Variants in PPP2R5C observed in about 807,000 individuals in gnomAD.
The protein encoded by PPP2R5C is serine/threonine-protein phosphatase 2A 56 kDa regulatory subunit gamma isoform.
In PPP2R5C, 7 loss-of-function variants were observed where a neutral mutation model predicts 68.9. The observed-to-expected ratio is 0.10, with a 90% CI of 0.06 to 0.19. The LOEUF is 0.19. PPP2R5C is among the 10% of genes least tolerant of loss of function. The pLI is 1.00. For synonymous variants in PPP2R5C, 210 were observed against 222.2 expected (o/e 0.95, Z 0.49); for missense variants, 348 against 641.3 (o/e 0.54, Z 4.94).
upstream of PPP2R5C, among the ~76,000 whole-genome samples, chr14:101,761,358 C>A (rs1253289083): frequency 6.6e-6 from 1 of 152,080 alleles, no homozygotes; most frequent in African/African-American, 2.4e-5. Context: ...ACCGCAGTCG[C>A]AGCCACATGC....
chr14:101,890,188 T>C, intron 5 of PPP2R5C, 49 bp from the exon 8 acceptor site: 4 of 1,508,432 alleles, frequency 2.7e-6, no homozygotes, highest in South Asian at 1.1e-5. Context: ...TGTTTTCTTA[T>C]TCAGGTTAGT....
chr14:101,909,563 G>C (rs765573933), intron 10 of PPP2R5C, 26 bp from the exon 13 acceptor site: 3 of 1,520,722 alleles, frequency 2.0e-6, no homozygotes, highest in Non-Finnish European at 2.7e-6. Flanking sequence ...CGTGCTCCCA[G>C]GCTCACCGTG....
At chr14:101,794,246 T>TTAAG (rs2038506101) in intron 3 of PPP2R5C, among the ~76,000 whole-genome samples, 1 of 152,348 alleles carries the variant, frequency 6.6e-6, no homozygotes, top group East Asian at 1.9e-4. Context: ...GTTTTATCTC[T>TTAAG]GTCTTACACT....
At chr14:101,896,552 G>A (rs947833942) in intron 8 of PPP2R5C, among the ~76,000 whole-genome samples, 2 of 149,978 alleles carry the variant, frequency 1.3e-5, no homozygotes, top group African/African-American at 2.5e-5. Flanking sequence ...TGGGCAATAT[G>A]GCAAAATCCC....
Position 101,839,358 on chromosome 14 carries a change from A to G in PPP2R5C, c.95-17328A>G, listed in dbSNP as rs537436319. 3 of 152,336 alleles carry G rather than the reference A, an allele frequency of 2.0e-5. No homozygotes were observed. The East Asian group carries it at 5.8e-4, about 29-fold the overall frequency. 9.4% of individuals were successfully genotyped at this position (152,336 alleles called of 1,614,324 possible). A position where few individuals can be genotyped will look rare whatever the true frequency, so the allele number is the denominator to read the frequency against. On this transcript the variant is annotated intron_variant, in intron 1 of 13. Transcript: ENST00000334743. ...GAGCAAGACTCTGTCTCCAAAAAAA[A>G]AAAAGAACACTCATTTCCAGAGTCA...
At position 101,908,084 on chromosome 14, in the gene PPP2R5C, T is replaced by C. The variant is rs144979128; in HGVS notation, c.1152-1505T>C. ...GGGAAGTTAGCTCTCACCAGGTCTT[T>C]CTTAGCCACAGTTTCTCTTTGGAAA... is the stretch of plus-strand genomic sequence containing the variant. On this transcript the variant is annotated intron_variant, in intron 10 of 13. Transcript: ENST00000334743. Among the ~76,000 whole-genome samples the C allele has an allele frequency of 7.1e-3, 1,081 of 152,364 alleles. 7 individuals are homozygous for C. The highest frequency in any genetic ancestry group is 0.017 in the Middle Eastern group (5 of 294).
At chr14:101,775,690 G>A (rs1488520519) in intron 2 of PPP2R5C, among the ~76,000 whole-genome samples, 1 of 152,222 alleles carries the variant, frequency 6.6e-6, no homozygotes, top group Non-Finnish European at 1.5e-5. Flanking sequence ...CTGTGGGCCT[G>A]GCAGTGGGGC....
At chr14:101,876,934 T>C (rs2043819216) in intron 2 of PPP2R5C, among the ~76,000 whole-genome samples, 1 of 150,952 alleles carries the variant, frequency 6.6e-6, no homozygotes, top group African/African-American at 2.4e-5. Context: ...AAAAAAAGGA[T>C]TTACGCTTTT....
At position 101,906,444 on chromosome 14, in the gene PPP2R5C, A is replaced by G; in HGVS notation, c.1066A>G (p.Met356Val). 1 of 1,612,774 alleles carries G rather than the reference A, an allele frequency of 6.2e-7. No individual in the cohort carries two copies. Among genetic ancestry groups the G allele is most frequent in the Admixed American group, 1.7e-5 (1 of 59,744 alleles). The change falls in exon 10 of 14, where the codon ATG (methionine) becomes GTG (valine). Residue 356 changes from methionine to valine, a missense_variant. Met to Val is a conservative substitution (Grantham distance 21). Coordinates refer to ENST00000334743, the Ensembl canonical transcript of PPP2R5C. This position sits in a 1 kb window ranked among gnomAD's most constrained non-coding sequence, Gnocchi z 4.0. The stretch of plus-strand genomic sequence containing the variant: ...CTATTACTGGAATAATGAATACATC[A>G]TGAGTTTAATCAGTGACAACGCAGC...
intron 3 of PPP2R5C, chr14:101,789,698 C>G (rs1261820487): frequency 6.6e-6 from 1 of 152,234 alleles, no homozygotes; most frequent in African/African-American, 2.4e-5. Context: ...GTCACCAGCA[C>G]TTTGTGAAGG....
At chr14:101,779,718 C>CACTGG (rs1335480148) in intron 2 of PPP2R5C, among the ~76,000 whole-genome samples, 1 of 152,062 alleles carries the variant, frequency 6.6e-6, no homozygotes, top group Non-Finnish European at 1.5e-5. Context: ...AGTGGGGAGC[C>CACTGG]ACTGGCATCT....
intron 3 of PPP2R5C, among the ~76,000 whole-genome samples, chr14:101,791,865 A>G (rs2038378843): frequency 6.6e-6 from 1 of 152,260 alleles, no homozygotes; most frequent in South Asian, 2.1e-4. Flanking sequence ...CATTTTGTTC[A>G]TGATGTCTTA....
At chr14:101,867,088 A>G (rs2043117711) in intron 2 of PPP2R5C, among the ~76,000 whole-genome samples, 2 of 151,958 alleles carry the variant, frequency 1.3e-5, no homozygotes, top group Admixed American at 6.5e-5. Flanking sequence ...GTGGTGGCGC[A>G]TGCCTGTAAT....
At chr14:101,772,565 C>T (rs541618485) in intron 2 of PPP2R5C, among the ~76,000 whole-genome samples, 71 of 152,184 alleles carry the variant, frequency 4.7e-4, no homozygotes, top group Middle Eastern at 3.4e-3. Flanking sequence ...GAGGCCGAGT[C>T]GGGTGGATCA....
In PPP2R5C at chr14:101,828,763, C is replaced by T. The variant is rs559012591; in HGVS notation, c.94+18727C>T. Among the ~76,000 whole-genome samples, 15 of 151,470 alleles carry T rather than the reference C, an allele frequency of 9.9e-5. No homozygotes were observed. In the South Asian group the frequency reaches 2.5e-3, roughly 25 times the overall value. On this transcript the variant is annotated intron_variant, in intron 1 of 13. Coordinates refer to ENST00000334743, the Ensembl canonical transcript of PPP2R5C. Reference sequence around the variant, plus strand: ...CACGATCTCGGCTCACTGCAACCTCCGCCTCCTGGGTTCAAGCAATTCTCT... The same window carrying T: ...CACGATCTCGGCTCACTGCAACCTCTGCCTCCTGGGTTCAAGCAATTCTCT...
chr14:101,796,346 C>T (rs1247921564), intron 3 of PPP2R5C, among the ~76,000 whole-genome samples: 1 of 152,200 alleles, frequency 6.6e-6, no homozygotes, highest in Non-Finnish European at 1.5e-5. Context: ...TCTTCTCTTG[C>T]ATGTTTTGAT....
chr14:101,782,822 TC>T (rs1349313252), intron 2 of PPP2R5C, among the ~76,000 whole-genome samples: 1 of 4,024 alleles, frequency 2.5e-4, no homozygotes, highest in Non-Finnish European at 5.1e-4. Context: ...TCTCTTGTTC[TC>T]CCCCTTCCCC....
chr14:101,827,172 C>T (rs972980849), intron 1 of PPP2R5C, among the ~76,000 whole-genome samples: 12 of 151,688 alleles, frequency 7.9e-5, no homozygotes, highest in Admixed American at 3.3e-4. Flanking sequence ...CACAGAGTTC[C>T]GCCATCTTGG....
At chr14:101,887,057 A>C (rs2044572566) in intron 5 of PPP2R5C, among the ~76,000 whole-genome samples, 1 of 152,208 alleles carries the variant, frequency 6.6e-6, no homozygotes, top group Admixed American at 6.5e-5. Flanking sequence ...TTCAATATAG[A>C]ACAGCTGTGT....
Sources: gnomAD v4.1 joint callset for allele counts (sites outside exome capture counted in the v4.1 genomes callset) on GRCh38, gnomAD v4.1.1 for gene constraint, Gnocchi (gnomAD v3.1) non-coding constraint, MANE v1.5 for transcripts, NCBI Gene and HGNC (gene_info 2026-07-23, HGNC 2026-07-21) for gene names.